The following UST variants were observed in gnomAD, a reference collection of about 807,000 sequenced individuals.
UST encodes chondroitin sulfate 2-O-sulfotransferase.
A neutral mutation model predicts 45.6 loss-of-function variants in UST; 21 were observed. That is an observed-to-expected ratio of 0.46 (90% CI 0.33 to 0.66). The LOEUF is 0.66. Ranked by LOEUF, UST falls within the 30% of genes least tolerant of loss-of-function variation. UST has a pLI of 0.02. For missense variants in UST, 463 were observed against 512.4 expected (o/e 0.90, Z 0.93); for synonymous variants, 215 against 200.6 (o/e 1.07, Z -0.61).
intron 1 of UST, among the ~76,000 whole-genome samples, chr6:148,772,148 T>C (rs991926559): frequency 5.9e-5 from 9 of 152,188 alleles, no homozygotes; most frequent in African/African-American, 1.7e-4. Context: ...CTACTTTTCA[T>C]TGGTTTTATG....
At chr6:149,010,894 C>CCAAAAAAAAAAAACAAA (rs1554234037) in intron 5 of UST, among the ~76,000 whole-genome samples, 1 of 8,750 alleles carries the variant, frequency 1.1e-4, no homozygotes, top group Non-Finnish European at 3.9e-4. Flanking sequence ...TCCGTCTCAA[C>CCAAAAAAAAAAAACAAA]CAAAAAAAAA....
At chr6:149,029,641 C>T (rs1776110359) in intron 7 of UST, among the ~76,000 whole-genome samples, 1 of 151,664 alleles carries the variant, frequency 6.6e-6, no homozygotes, top group Non-Finnish European at 1.5e-5. Context: ...TGCAGCAAAA[C>T]TCAAAAATAT....
chr6:149,000,146 G>A (rs372295155), intron 5 of UST, among the ~76,000 whole-genome samples: 2 of 152,156 alleles, frequency 1.3e-5, no homozygotes, highest in Non-Finnish European at 2.9e-5. Flanking sequence ...AAGGCATGGG[G>A]TGAGAAGCCA....
intron 2 of UST, among the ~76,000 whole-genome samples, chr6:148,926,884 G>T (rs1779823313): frequency 6.6e-6 from 1 of 152,130 alleles, no homozygotes. Flanking sequence ...GCAACTAGCA[G>T]AATCTGCTAT....
chr6:148,924,944 G>A (rs751864262), intron 2 of UST, among the ~76,000 whole-genome samples: 1 of 152,092 alleles, frequency 6.6e-6, no homozygotes, highest in South Asian at 2.1e-4. Flanking sequence ...TTACTTTGGG[G>A]CATTTTCAAA....
At position 148,809,321 on chromosome 6, in the gene UST, G is replaced by T. The variant is rs867489012; in HGVS notation, c.247+61644G>T. ...GAATTTCTTAAAACCTTAGTTTTTTGTTTTTTTTTTTTTTCTCACCTGCTT... is the reference window on the plus strand; with the variant it reads ...GAATTTCTTAAAACCTTAGTTTTTTTTTTTTTTTTTTTTTCTCACCTGCTT... On this transcript the variant is annotated intron_variant, in intron 1 of 7. Transcript: ENST00000367463. Among the ~76,000 whole-genome samples, 757 of 143,818 alleles carry T rather than the reference G, an allele frequency of 5.3e-3. 1 individual carries two copies. The highest frequency in any genetic ancestry group is 5.6e-3 in the East Asian group (28 of 4,964). The allele number at this position is 143,818 out of a possible 152,430, so 94.4% of individuals were successfully genotyped here. A position where few individuals can be genotyped will look rare whatever the true frequency, so the allele number is the denominator to read the frequency against.
chr6:148,772,086 A>G (rs1776439904), intron 1 of UST, among the ~76,000 whole-genome samples: 1 of 152,206 alleles, frequency 6.6e-6, no homozygotes, highest in African/African-American at 2.4e-5. Context: ...ATCAAACCAC[A>G]GCTCAGTGGT....
chr6:148,796,073 C>T (rs1460208899), intron 1 of UST, among the ~76,000 whole-genome samples: 1 of 152,150 alleles, frequency 6.6e-6, no homozygotes, highest in African/African-American at 2.4e-5. Context: ...CATTGAGATG[C>T]ATGGGGGCAG....
intron 5 of UST, among the ~76,000 whole-genome samples, chr6:148,995,854 G>T (rs1781443712): frequency 1.3e-5 from 2 of 152,200 alleles, no homozygotes; most frequent in East Asian, 3.9e-4. Context: ...TTCCTAGTTT[G>T]CCCTGCGTTT....
At chr6:149,064,463 C>T (rs528514878) in intron 7 of UST, among the ~76,000 whole-genome samples, 1 of 152,238 alleles carries the variant, frequency 6.6e-6, no homozygotes, top group South Asian at 2.1e-4. Context: ...CTCAAAGTGC[C>T]AACTGATGAT....
intron 7 of UST, among the ~76,000 whole-genome samples, chr6:149,064,723 T>G (rs1355888235): frequency 6.6e-6 from 1 of 152,092 alleles, no homozygotes; most frequent in Non-Finnish European, 1.5e-5. Flanking sequence ...TCAGGTAACA[T>G]AAAAGAATGA....
In UST at chr6:149,075,661, A is replaced by G. The variant is rs1026878931; in HGVS notation, c.*1545A>G. 1.4e-4 allele frequency: 22 copies of G among 152,184 alleles called. No homozygotes were observed. Among genetic ancestry groups the G allele is most frequent in the African/African-American group, 5.3e-4 (22 of 41,436 alleles). The allele number at this position is 152,184 out of a possible 1,614,324, so 9.4% of individuals were successfully genotyped here. A position where few individuals can be genotyped will look rare whatever the true frequency, so the allele number is the denominator to read the frequency against. ...TCTGAAATATTTTCACCTTAAAAAAAATGCTGAAAATACACATTCTCCTGG... is the reference window on the plus strand; with the variant it reads ...TCTGAAATATTTTCACCTTAAAAAAGATGCTGAAAATACACATTCTCCTGG... On this transcript the variant is annotated 3_prime_UTR_variant, in exon 8 of 8. Coordinates refer to ENST00000367463, the MANE Select transcript of UST (RefSeq NM_005715.3).
At chr6:149,064,012 C>T (rs1207031617) in intron 7 of UST, among the ~76,000 whole-genome samples, 2 of 152,158 alleles carry the variant, frequency 1.3e-5, no homozygotes, top group Non-Finnish European at 2.9e-5. Flanking sequence ...ACAGCACATA[C>T]GGCAAATCTT....
chr6:148,815,675 A>G (rs1163314879), intron 1 of UST, among the ~76,000 whole-genome samples: 2 of 152,246 alleles, frequency 1.3e-5, no homozygotes, highest in Non-Finnish European at 2.9e-5. Context: ...AAAGAAAAAC[A>G]AAAACAAAAA....
intron 1 of UST, among the ~76,000 whole-genome samples, chr6:148,827,503 C>G (rs1777594769): frequency 6.6e-6 from 1 of 151,760 alleles, no homozygotes; most frequent in African/African-American, 2.4e-5. Flanking sequence ...CCTGTAATCC[C>G]AACTCAGGAG....
At chr6:148,818,665 G>A (rs565035334) in intron 1 of UST, among the ~76,000 whole-genome samples, 1 of 152,284 alleles carries the variant, frequency 6.6e-6, no homozygotes, top group East Asian at 1.9e-4. Flanking sequence ...AGTTCAAAGA[G>A]TCTTTGCCAA....
At chr6:149,023,263 C>A (rs1582963923) in intron 7 of UST, among the ~76,000 whole-genome samples, 1 of 152,038 alleles carries the variant, frequency 6.6e-6, no homozygotes, top group Non-Finnish European at 1.5e-5. Context: ...ATTATGGCTT[C>A]CAACTTTGTT....
At chr6:148,862,774 T>G (rs992332628) in intron 1 of UST, among the ~76,000 whole-genome samples, 3 of 152,206 alleles carry the variant, frequency 2.0e-5, no homozygotes, top group African/African-American at 7.2e-5. Context: ...TTTGGCTGGA[T>G]GTGAAATTCT....
intron 2 of UST, among the ~76,000 whole-genome samples, chr6:148,930,176 T>C (rs1341220222): frequency 6.6e-6 from 1 of 152,190 alleles, no homozygotes; most frequent in Non-Finnish European, 1.5e-5. Context: ...TATGCATATC[T>C]CTAGTGGGGC....
Sources: gnomAD v4.1 joint callset for allele counts (sites outside exome capture counted in the v4.1 genomes callset) on GRCh38, gnomAD v4.1.1 for gene constraint, MANE v1.5 for transcripts, NCBI Gene and HGNC (gene_info 2026-07-23, HGNC 2026-07-21) for gene names.